The following AP2A1 variants were observed in gnomAD, a reference collection of about 807,000 sequenced individuals.
AP2A1 encodes the protein AP-2 complex subunit alpha-1.
A neutral mutation model predicts 107.3 loss-of-function variants in AP2A1; 21 were observed. The observed-to-expected ratio is 0.20, with a 90% CI of 0.14 to 0.28. The LOEUF (loss-of-function observed/expected upper bound fraction) is 0.28. Among genes scored for constraint, AP2A1 ranks in the 10% least tolerant of loss-of-function variants. AP2A1 has a pLI of 1.00. For missense variants in AP2A1, 873 were observed against 1,307.7 expected (o/e 0.67, Z 5.13); for synonymous variants, 602 against 564.8 (o/e 1.07, Z -0.93).
chr19:49,798,652 G>A (rs906167716), intron 7 of AP2A1, 150 bp from the exon 8 acceptor site: 3 of 1,031,794 alleles, frequency 2.9e-6, no homozygotes, highest in Non-Finnish European at 2.7e-6. Context: ...AGGGAGCAGA[G>A]ACCCTGGCCC....
In AP2A1 at chr19:49,805,875, T is replaced by C. The variant is rs1213019489; in HGVS notation, c.2589T>C (p.Pro863=). The C allele has an allele frequency of 1.2e-6, 2 of 1,613,616 alleles. No individual in the cohort carries two copies. Among genetic ancestry groups the C allele is most frequent in the African/African-American group, 2.7e-5 (2 of 74,918 alleles). The change falls in exon 21 of 23, where the codon CCT becomes CCC. Residue 863 remains proline, a synonymous_variant. Transcript: ENST00000354293. ...FFQRWKQLSL[P]QQEAQKIFKA... The stretch of plus-strand genomic sequence containing the variant: ...CTTGAACCTTCCCGGTCCCCAGCCC[T>C]CAACAGGAGGCGCAGAAAATCTTCA...
At chr19:49,804,080 CA>C (rs2073328037) in intron 18 of AP2A1, 1 of 152,328 alleles carries the variant, frequency 6.6e-6, no homozygotes, top group Admixed American at 6.6e-5. Context: ...ACTAAAAATA[CA>C]AAAATCAGCT....
chr19:49,778,939 T>C (rs1250222098), intron 1 of AP2A1, among the ~76,000 whole-genome samples: 1 of 150,842 alleles, frequency 6.6e-6, no homozygotes, highest in African/African-American at 2.4e-5. Flanking sequence ...CTCATACCTG[T>C]AATCCCAGCA....
At position 49,767,229 on chromosome 19, in the gene AP2A1, A is replaced by T. The variant is rs768296592; in HGVS notation, c.67+29A>T. Reference sequence around the variant, plus strand: ...AGCGCGCGGCCGGGGGACACTGGAGACGCGGGGGAGGGGGGAGCGTGAAAT... The same window carrying T: ...AGCGCGCGGCCGGGGGACACTGGAGTCGCGGGGGAGGGGGGAGCGTGAAAT... On this transcript the variant is annotated intron_variant, in intron 1 of 22. Coordinates refer to ENST00000354293, the MANE Select transcript of AP2A1 (RefSeq NM_130787.3). 3 of 1,596,526 alleles carry T rather than the reference A, an allele frequency of 1.9e-6. No homozygotes were observed. In the African/African-American group the frequency reaches 4.0e-5, roughly 21 times the overall value.
At position 49,777,244 on chromosome 19, in the gene AP2A1, AG is replaced by A. The variant is rs1361422491; in HGVS notation, c.68-4512del. On this transcript the variant is annotated intron_variant, in intron 1 of 22. Coordinates refer to ENST00000354293, the MANE Select transcript of AP2A1 (RefSeq NM_130787.3). ...AGCGAGACTCTGTCTCAAGAAAAAA[AG>A]TAAAAATAAAGCCTATTTAAAGAAA... Among the ~76,000 whole-genome samples, 6 of 152,082 alleles carry A rather than the reference AG, an allele frequency of 3.9e-5. No homozygotes were observed. In the East Asian group the frequency reaches 1.2e-3, roughly 29 times the overall value.
At chr19:49,791,603 T>C (rs2123719506) in intron 4 of AP2A1, among the ~76,000 whole-genome samples, 1 of 152,200 alleles carries the variant, frequency 6.6e-6, no homozygotes, top group East Asian at 1.9e-4. Context: ...TTTGGACCAC[T>C]TTATTCACCA....
Position 49,787,338 on chromosome 19 carries a change from G to GTTTTTTTTTTTTTT in AP2A1, c.474-4589_474-4588insTTTTTTTTTTTTTT, listed in dbSNP as rs1418425703. ...ACTCCCATCTAGGCTTTTTTTGTTT[G>GTTTTTTTTTTTTTT]TTTTTTTTGTTTTTTGTTTTTTTTT... On this transcript the variant is annotated intron_variant, in intron 4 of 22. Transcript: ENST00000354293. Among the ~76,000 whole-genome samples, 92 of 89,730 alleles carry GTTTTTTTTTTTTTT rather than the reference G, an allele frequency of 1.0e-3. 7 individuals carry two copies. The highest frequency in any genetic ancestry group is 1.8e-3 in the African/African-American group (37 of 20,320). The allele number at this position is 89,730 out of a possible 152,430, so 58.9% of individuals were successfully genotyped here.
chr19:49,795,494 A>C, intron 6 of AP2A1, 136 bp from the exon 7 acceptor site: 1 of 635,506 alleles, frequency 1.6e-6, no homozygotes, highest in Middle Eastern at 2.7e-4. Flanking sequence ...CTGTCTCTAC[A>C]AAAAAAACCC....
intron 4 of AP2A1, 157 bp from the exon 5 acceptor site, chr19:49,791,778 G>C (rs967749111): frequency 3.5e-6 from 3 of 855,326 alleles, no homozygotes; most frequent in Non-Finnish European, 5.3e-6. Flanking sequence ...CTGGTGGGCC[G>C]TGAGGTCAGC....
At chr19:49,806,401 A>C in intron 22 of AP2A1, 148 bp downstream of exon 22, 1 of 1,436,042 alleles carries the variant, frequency 7.0e-7, no homozygotes, top group African/African-American at 1.4e-5. Flanking sequence ...ACTCCTCTTT[A>C]TCTATCAGTT....
In AP2A1 at chr19:49,801,592, C is replaced by T; in HGVS notation, c.1756C>T (p.Leu586Phe). The change falls in exon 13 of 23, where the codon CTC becomes TTC. Residue 586 changes from leucine to phenylalanine, a missense_variant. Physicochemically the swap from Leu to Phe is conservative, Grantham distance 22. Around this residue, in one of 4 missense-constraint regions of AP2A1, gnomAD observed 213 missense variants for 443.5 expected, o/e 0.48. Transcript: ENST00000354293. ...GCAGCGAGCCGTGGAGTACCTCACC[C>T]TCAGCTCAGTGGCCAGCACCGACGT... The part of the protein sequence containing the change: ...LQQRAVEYLT[L>F]SSVASTDVLA... The T allele has an allele frequency of 6.2e-7, 1 of 1,613,212 alleles. No homozygotes were observed. The highest frequency in any genetic ancestry group is 8.5e-7 in the Non-Finnish European group (1 of 1,179,730).
intron 1 of AP2A1, among the ~76,000 whole-genome samples, chr19:49,780,924 G>A (rs1425235892): frequency 6.6e-6 from 1 of 151,776 alleles, no homozygotes; most frequent in Non-Finnish European, 1.5e-5. Context: ...AGGATGTCCA[G>A]GTTCTGTTTG....
chr19:49,776,488 A>T (rs1388237593), intron 1 of AP2A1, among the ~76,000 whole-genome samples: 1 of 151,740 alleles, frequency 6.6e-6, no homozygotes, highest in Non-Finnish European at 1.5e-5. Context: ...GTCTGCCACC[A>T]CTCCAATCCA....
At chr19:49,781,912 T>C in intron 2 of AP2A1, 35 bp from the exon 3 acceptor site, 1 of 1,589,428 alleles carries the variant, frequency 6.3e-7, no homozygotes, top group Non-Finnish European at 8.6e-7. Flanking sequence ...CCCTTCCTTA[T>C]TTCTGGCTCC....
At chr19:49,802,813 C>T in intron 15 of AP2A1, 136 bp from the exon 16 acceptor site, 2 of 1,149,648 alleles carry the variant, frequency 1.7e-6, no homozygotes, top group Admixed American at 2.1e-5. Flanking sequence ...TGCGAGGTTC[C>T]TCGAGGCTCT....
chr19:49,777,668 G>A (rs918660668), intron 1 of AP2A1, among the ~76,000 whole-genome samples: 13 of 151,700 alleles, frequency 8.6e-5, no homozygotes, highest in African/African-American at 1.7e-4. Context: ...GGCAGTAAGC[G>A]GTGGCCCATG....
At chr19:49,771,943 C>T (rs965777552) in intron 1 of AP2A1, among the ~76,000 whole-genome samples, 3 of 152,126 alleles carry the variant, frequency 2.0e-5, no homozygotes, top group Non-Finnish European at 4.4e-5. Context: ...AAGGTCCTGA[C>T]TTCCGGACGC....
intron 18 of AP2A1, 144 bp downstream of exon 18, chr19:49,803,520 G>A: frequency 2.9e-6 from 2 of 689,708 alleles, no homozygotes; most frequent in Non-Finnish European, 5.1e-6. Context: ...GTCTGCATCT[G>A]TTAAGATGGG....
rs374256135 is a variant in AP2A1 at position 49,799,676 on chromosome 19, C to T, written c.1182C>T (p.Tyr394=). 4.9e-5 allele frequency: 79 copies of T among 1,612,700 alleles called. 1 individual carries two copies. In the Admixed American group the frequency reaches 6.2e-4, roughly 13 times the overall value. Residue 394 remains tyrosine, a synonymous_variant, in exon 10 of 23, where the codon TAC becomes TAT. Transcript: ENST00000354293. ...SVRQRAADLL[Y]AMCDRSNAKQ... ...GGCAGCGGGCGGCTGACCTCCTCTA[C>T]GCCATGTGTGACCGGAGCAATGCCA...
Sources: gnomAD v4.1 joint callset for allele counts (sites outside exome capture counted in the v4.1 genomes callset) on GRCh38, gnomAD v4.1.1 for gene constraint, gnomAD v4.1.1 regional missense constraint, MANE v1.5 for transcripts, NCBI Gene and HGNC (gene_info 2026-07-23, HGNC 2026-07-21) for gene names.